Variants in P2RX7 observed in about 807,000 individuals in gnomAD.
P2RX7 encodes purinergic receptor P2X 7, also known as P2X purinoceptor 7.
P2RX7 carries 62 observed loss-of-function variants against 71.6 expected under a neutral mutation model. The ratio of observed to expected loss-of-function variants is 0.87; its 90% CI spans 0.71 to 1.07. P2RX7 has a LOEUF of 1.07. Ranked by LOEUF, P2RX7 falls within the 50% of genes least tolerant of loss-of-function variation. The pLI, the probability that P2RX7 is intolerant of heterozygous loss-of-function variation, is 0.00. For missense variants in P2RX7, 686 were observed against 748.5 expected, an observed-to-expected ratio of 0.92 and a Z score of 0.97; for synonymous variants, 299 against 283.3, an observed-to-expected ratio of 1.06 and a Z score of -0.56.
chr12:121,170,072 C>A (rs1050707736), intron 8 of P2RX7, among the ~76,000 whole-genome samples: 1 of 152,154 alleles, frequency 6.6e-6, no homozygotes, highest in African/African-American at 2.4e-5. Context: ...GAGTTTGAAA[C>A]CCTTGACTCA....
intron 5 of P2RX7, among the ~76,000 whole-genome samples, chr12:121,162,859 T>C (rs1299157505): frequency 2.0e-5 from 3 of 151,202 alleles, no homozygotes. Context: ...TTCTGACTTG[T>C]CAGTGTCCAT....
Position 121,187,929 on chromosome 12 carries a change from T to A in P2RX7, c.*3127T>A, listed in dbSNP as rs1408539385. On this transcript the variant is annotated 3_prime_UTR_variant, in exon 13 of 13. Coordinates refer to ENST00000328963, the MANE Select transcript of P2RX7 (RefSeq NM_002562.6). Reference sequence around the variant, plus strand: ...CATTGGTAATAGACATGCATTTCTCTTTCTAAAGGGGAGTAACTTTTTAAA... The same window carrying A: ...CATTGGTAATAGACATGCATTTCTCATTCTAAAGGGGAGTAACTTTTTAAA... 3 of 152,196 alleles carry A rather than the reference T, an allele frequency of 2.0e-5. No homozygotes were observed. The highest frequency in any genetic ancestry group is 1.3e-4 in the Admixed American group (2 of 15,270). The allele number at this position is 152,196 out of a possible 1,614,324, so 9.4% of individuals were successfully genotyped here. A position where few individuals can be genotyped will look rare whatever the true frequency, so the allele number is the denominator to read the frequency against.
intron 1 of P2RX7, among the ~76,000 whole-genome samples, chr12:121,146,294 T>C (rs1876189785): frequency 7.7e-6 from 1 of 129,800 alleles, no homozygotes; most frequent in Non-Finnish European, 1.6e-5. Context: ...TCTCTTTTTT[T>C]TTTTTTTTTT....
intron 1 of P2RX7, among the ~76,000 whole-genome samples, chr12:121,145,738 C>T (rs1033309220): frequency 3.9e-5 from 6 of 151,944 alleles, no homozygotes; most frequent in African/African-American, 9.7e-5. Flanking sequence ...AAACTCCTGA[C>T]CTCTTGATCC....
In P2RX7 at chr12:121,162,142, C is replaced by T. The variant is rs199624988; in HGVS notation, c.437-282C>T. 2.2e-5 allele frequency: 19 copies of T among 857,634 alleles called. No individual in the cohort carries two copies. The East Asian group carries it at 4.4e-4, about 20-fold the overall frequency. The allele number at this position is 857,634 out of a possible 1,614,324, so 53.1% of individuals were successfully genotyped here. Reference sequence around the variant, plus strand: ...ACTAAGTGAGAGCATACACCTGTTCCGCTCCCCTCATGGGCACCTTTTCTT... The same window carrying T: ...ACTAAGTGAGAGCATACACCTGTTCTGCTCCCCTCATGGGCACCTTTTCTT... On this transcript the variant is annotated intron_variant, in intron 4 of 12. Transcript: ENST00000328963.
intron 11 of P2RX7, 80 bp downstream of exon 11, chr12:121,177,526 C>A: frequency 7.4e-7 from 1 of 1,350,684 alleles, no homozygotes; most frequent in Non-Finnish European, 1.1e-6. Flanking sequence ...AAATTAGGCC[C>A]AAATCACAGG....
intron 9 of P2RX7, among the ~76,000 whole-genome samples, chr12:121,176,475 G>A (rs970646604): frequency 6.6e-6 from 1 of 152,196 alleles, no homozygotes; most frequent in Admixed American, 6.5e-5. Context: ...AGGCTGGGCC[G>A]GGCACGGTGG....
rs576723388 is a variant in P2RX7 at position 121,158,560 on chromosome 12, C to A, written c.364-2342C>A. Among the ~76,000 whole-genome samples, 354 of 152,358 alleles carry A rather than the reference C, an allele frequency of 2.3e-3. 2 individuals carry two copies. Among genetic ancestry groups the A allele is most frequent in the African/African-American group, 7.9e-3 (330 of 41,580 alleles). Reference sequence around the variant, plus strand: ...GGCTTAGGCCTGGAACTGGCAACAGCATTCCTTCTGCTGCTTCTATTGGCT... The same window carrying A: ...GGCTTAGGCCTGGAACTGGCAACAGAATTCCTTCTGCTGCTTCTATTGGCT... On this transcript the variant is annotated intron_variant, in intron 3 of 12. Coordinates refer to ENST00000328963, the MANE Select transcript of P2RX7 (RefSeq NM_002562.6).
rs1303912414 is a variant in P2RX7, at chr12:121,187,673, C to G, written c.*2871C>G. 1 of 152,166 alleles carries G rather than the reference C, an allele frequency of 6.6e-6. No homozygotes were observed. 9.4% of individuals were successfully genotyped at this position (152,166 alleles called of 1,614,324 possible). Reference sequence around the variant, plus strand: ...GCGAGAGAGTGATGTGTCACTTCAACTGTGTGTAATATGTCAGACACGTCC... The same window carrying G: ...GCGAGAGAGTGATGTGTCACTTCAAGTGTGTGTAATATGTCAGACACGTCC... On this transcript the variant is annotated 3_prime_UTR_variant, in exon 13 of 13. Transcript: ENST00000328963.
chr12:121,171,359 CTTTTTTT>C (rs34595094), intron 8 of P2RX7, among the ~76,000 whole-genome samples: 1 of 105,024 alleles, frequency 9.5e-6, no homozygotes, highest in Non-Finnish European at 1.8e-5. Context: ...TCTTCAATCT[CTTTTTTT>C]TTTTTTTTTT....
intron 1 of P2RX7, among the ~76,000 whole-genome samples, chr12:121,139,948 T>A (rs1235709929): frequency 6.6e-6 from 1 of 152,104 alleles, no homozygotes; most frequent in African/African-American, 2.4e-5. Flanking sequence ...GCTAGGCTGG[T>A]CTCGAACTCC....
At chr12:121,176,228 AACACACACAC>A (rs56222751) in intron 9 of P2RX7, among the ~76,000 whole-genome samples, 59 of 140,840 alleles carry the variant, frequency 4.2e-4, no homozygotes, top group African/African-American at 1.5e-3. Context: ...CAGCCCCTTC[AACACACACAC>A]ACACACACAC....
chr12:121,160,659 T>C (rs1346525810), intron 3 of P2RX7, among the ~76,000 whole-genome samples: 1 of 152,234 alleles, frequency 6.6e-6, no homozygotes, highest in Non-Finnish European at 1.5e-5. Flanking sequence ...TCCATCCATG[T>C]TGTAGCCTGT....
chr12:121,182,022 C>T (rs1383742023), intron 12 of P2RX7, among the ~76,000 whole-genome samples: 1 of 150,848 alleles, frequency 6.6e-6, no homozygotes, highest in African/African-American at 2.5e-5. Flanking sequence ...TGAGATCACA[C>T]CTCTGCACTC....
chr12:121,182,491 C>G (rs1221276745), intron 12 of P2RX7, among the ~76,000 whole-genome samples: 2 of 152,128 alleles, frequency 1.3e-5, no homozygotes, highest in Non-Finnish European at 2.9e-5. Flanking sequence ...TCTATTGCTC[C>G]TAGGCTGCAA....
At chr12:121,176,970 A>T (rs1883259771) in intron 9 of P2RX7, among the ~76,000 whole-genome samples, 177 bp from the exon 10 acceptor site, 1 of 152,180 alleles carries the variant, frequency 6.6e-6, no homozygotes, top group Non-Finnish European at 1.5e-5. Context: ...CGGCTGAAGC[A>T]GGATGCCTGA....
chr12:121,167,196 G>A (rs778155640), intron 7 of P2RX7, among the ~76,000 whole-genome samples: 29 of 152,028 alleles, frequency 1.9e-4, no homozygotes, highest in Non-Finnish European at 3.5e-4. Flanking sequence ...TTTAATGGGG[G>A]CGTGGGGGGC....
At chr12:121,153,031 T>C (rs1877779686) in intron 1 of P2RX7, among the ~76,000 whole-genome samples, 1 of 152,236 alleles carries the variant, frequency 6.6e-6, no homozygotes, top group South Asian at 2.1e-4. Context: ...ATGTACTTGC[T>C]ATTGTCAAAT....
intron 8 of P2RX7, among the ~76,000 whole-genome samples, chr12:121,169,731 C>A (rs181205152): frequency 1.2e-4 from 18 of 152,192 alleles, no homozygotes; most frequent in African/African-American, 4.1e-4. Flanking sequence ...CATAGGGAGA[C>A]CCCATCTCTA....
Sources: gnomAD v4.1 joint callset for allele counts (sites outside exome capture counted in the v4.1 genomes callset) on GRCh38, gnomAD v4.1.1 for gene constraint, MANE v1.5 for transcripts, NCBI Gene and HGNC (gene_info 2026-07-23, HGNC 2026-07-21) for gene names.